AMZ1: variants seen among roughly 807,000 people sequenced by gnomAD.
AMZ1 encodes the protein archaelysin family metallopeptidase 1, also known as archaemetzincin-1.
AMZ1 carries 39 observed loss-of-function variants against 29.9 expected under a neutral mutation model. The observed-to-expected ratio is 1.30, with a 90% CI of 1.01 to 1.70. AMZ1 has a LOEUF of 1.70. Ranked by LOEUF, AMZ1 falls within the 40% of genes most tolerant of loss-of-function variation. The pLI, the probability that AMZ1 is intolerant of heterozygous loss-of-function variation, is 0.00. For synonymous variants in AMZ1, 458 were observed against 304.0 expected, an observed-to-expected ratio of 1.51 and a Z score of -5.27; for missense variants, 1,041 against 680.6, an observed-to-expected ratio of 1.53 and a Z score of -5.89.
At chr7:2,707,777 C>G (rs889915507) in intron 3 of AMZ1, among the ~76,000 whole-genome samples, 7 of 151,492 alleles carry the variant, frequency 4.6e-5, no homozygotes, top group Admixed American at 2.0e-4. Flanking sequence ...GCCCTCAGGC[C>G]TCACGTTCTC....
At chr7:2,709,310 G>T (rs146152915) in intron 5 of AMZ1, 66 bp downstream of exon 5, 29 of 1,414,314 alleles carry the variant, frequency 2.1e-5, no homozygotes, top group South Asian at 3.0e-5. Flanking sequence ...TTGGTGCCTC[G>T]GTCTGTTACA....
rs543765568 is a variant in AMZ1 at position 2,718,503 on chromosome 7, T to G, written c.*5625T>G. On this transcript the variant is annotated 3_prime_UTR_variant, in exon 7 of 7. Transcript: ENST00000683327. The stretch of plus-strand genomic sequence containing the variant: ...GGGACGTGTTTTGTTCAGCCCTGAC[T>G]CTTGGACGCTGGTGGCAGCCGCGGG... 6.6e-6 allele frequency among the ~76,000 whole-genome samples: 1 copy of G among 152,358 alleles called. No individual in the cohort carries two copies. The highest frequency in any genetic ancestry group is 1.5e-5 in the Non-Finnish European group (1 of 68,032).
At position 2,716,289 on chromosome 7, in the gene AMZ1, C is replaced by T. The variant is rs561624703; in HGVS notation, c.*3411C>T. 14 of 152,316 alleles carry T rather than the reference C, an allele frequency of 9.2e-5. No individual in the cohort carries two copies. The highest frequency in any genetic ancestry group is 3.1e-4 in the African/African-American group (13 of 41,538). 9.4% of individuals were successfully genotyped at this position (152,316 alleles called of 1,614,324 possible). The stretch of plus-strand genomic sequence containing the variant: ...CTCTTCCGAAATCTCATTCTTTTCC[C>T]TCTCTTCCTCCCCAAAAAGCCCAAA... On this transcript the variant is annotated 3_prime_UTR_variant, in exon 7 of 7. Coordinates refer to ENST00000683327, the MANE Select transcript of AMZ1 (RefSeq NM_001384743.1).
intron 2 of AMZ1, among the ~76,000 whole-genome samples, chr7:2,701,483 T>C (rs1788050818): frequency 6.6e-6 from 1 of 151,110 alleles, no homozygotes; most frequent in Non-Finnish European, 1.5e-5. Flanking sequence ...CTCAGAGCTC[T>C]GTGTCTGGCA....
chr7:2,764,041 G>A (rs1791698099), upstream of AMZ1, among the ~76,000 whole-genome samples: 1 of 152,146 alleles, frequency 6.6e-6, no homozygotes, highest in South Asian at 2.1e-4. Flanking sequence ...TAAGGCTGCT[G>A]TGCTGGTGTC....
chr7:2,700,739 C>G lies in AMZ1; in HGVS notation c.288C>G (p.Ile96Met). ...HRKPRLARKH[I>M]YLQPIDLSEE... ...AGCCCCGCCTGGCTCGGAAGCACAT[C>G]TACCTACAGCCGATAGGTACGGGAC... The change falls in exon 2 of 7, where the codon ATC becomes ATG. Residue 96 changes from isoleucine (I) to methionine (M), a missense_variant. Coordinates refer to ENST00000683327, the MANE Select transcript of AMZ1 (RefSeq NM_001384743.1). 6.2e-7 allele frequency: 1 copy of G among 1,612,778 alleles called. No homozygotes were observed. Among genetic ancestry groups the G allele is most frequent in the Non-Finnish European group, 8.5e-7 (1 of 1,179,984 alleles).
chr7:2,695,188 C>T (rs945791656), intron 1 of AMZ1, among the ~76,000 whole-genome samples: 2 of 152,186 alleles, frequency 1.3e-5, no homozygotes, highest in Admixed American at 6.5e-5. Context: ...TCCTGTCCAT[C>T]GTCTGTGCAT....
chr7:2,701,748 A>G (rs1463727887), intron 2 of AMZ1, among the ~76,000 whole-genome samples: 1 of 151,938 alleles, frequency 6.6e-6, no homozygotes, highest in African/African-American at 2.4e-5. Context: ...AACAGGGCTG[A>G]CCTCGCCTGG....
In AMZ1 at chr7:2,751,244, A is replaced by G. The variant is rs532500415; in HGVS notation, n.551-13468A>G. Among the ~76,000 whole-genome samples the G allele has an allele frequency of 2.6e-5, 4 of 152,108 alleles. No homozygotes were observed. In the South Asian group the frequency reaches 8.3e-4, roughly 32 times the overall value. ...TCAAAAAAAACCCCAAAGTTAGCCGAGTATGTTGGCACATGCTTGTAGTCC... is the reference window on the plus strand; with the variant it reads ...TCAAAAAAAACCCCAAAGTTAGCCGGGTATGTTGGCACATGCTTGTAGTCC... On this transcript the variant is annotated intron_variant and non_coding_transcript_variant, in intron 4 of 4. Transcript: ENST00000489665.
rs547984929 is a variant in AMZ1 at position 2,700,739 on chromosome 7, C to T, written c.288C>T (p.Ile96=). 5.6e-6 allele frequency: 9 copies of T among 1,612,778 alleles called. No individual in the cohort carries two copies. The highest frequency in any genetic ancestry group is 4.5e-5 in the East Asian group (2 of 44,884). The part of the protein sequence containing the change: ...HRKPRLARKH[I]YLQPIDLSEE... ...AGCCCCGCCTGGCTCGGAAGCACAT[C>T]TACCTACAGCCGATAGGTACGGGAC... Residue 96 remains isoleucine, a synonymous_variant, in exon 2 of 7, where the codon ATC becomes ATT. Coordinates refer to ENST00000683327, the MANE Select transcript of AMZ1 (RefSeq NM_001384743.1).
chr7:2,706,845 T>A (rs1166939099), intron 3 of AMZ1, among the ~76,000 whole-genome samples: 1 of 152,170 alleles, frequency 6.6e-6, no homozygotes, highest in Non-Finnish European at 1.5e-5. Flanking sequence ...ATCACCTCAT[T>A]AGCATCATTG....
chr7:2,764,411 C>T (rs1187939873), upstream of AMZ1, among the ~76,000 whole-genome samples: 1 of 152,128 alleles, frequency 6.6e-6, no homozygotes, highest in African/African-American at 2.4e-5. Context: ...CACAGAAGTA[C>T]ATCTGATATT....
chr7:2,760,823 G>A (rs1370144439), upstream of AMZ1, among the ~76,000 whole-genome samples: 1 of 152,214 alleles, frequency 6.6e-6, no homozygotes, highest in East Asian at 1.9e-4. Context: ...CAAGTCACCA[G>A]AGGTTAGCTT....
intron 4 of AMZ1, among the ~76,000 whole-genome samples, chr7:2,742,479 C>G (rs73285338): frequency 6.6e-6 from 1 of 152,184 alleles, no homozygotes; most frequent in African/African-American, 2.4e-5. Flanking sequence ...AGCCCTGCTC[C>G]TGTTTATCTC....
chr7:2,696,086 C>T (rs547142245), intron 1 of AMZ1, among the ~76,000 whole-genome samples: 1 of 151,816 alleles, frequency 6.6e-6, no homozygotes. Flanking sequence ...ACCCCCCTCG[C>T]CCCGCCCCCC....
Position 2,719,390 on chromosome 7 carries a change from C to T in AMZ1, c.*6512C>T, listed in dbSNP as rs1226640632. 1.3e-5 allele frequency among the ~76,000 whole-genome samples: 2 copies of T among 152,228 alleles called. No homozygotes were observed. Among genetic ancestry groups the T allele is most frequent in the South Asian group, 2.1e-4 (1 of 4,838 alleles). On this transcript the variant is annotated 3_prime_UTR_variant, in exon 7 of 7. Coordinates refer to ENST00000683327, the MANE Select transcript of AMZ1 (RefSeq NM_001384743.1). ...GCCCGCGCGCCTGGCAGAGCTCCCT[C>T]CTCTGCTCCAACAGCAGAGCCCAGA...
At chr7:2,700,122 G>A (rs146030110) in intron 1 of AMZ1, 112 bp from the exon 2 acceptor site, 7 of 338,116 alleles carry the variant, frequency 2.1e-5, no homozygotes, top group East Asian at 5.3e-5. Flanking sequence ...TGACACCCTC[G>A]TCCTCTGCAG....
At chr7:2,722,462 G>A (rs1219228461), downstream of AMZ1, among the ~76,000 whole-genome samples, 1 of 152,040 alleles carries the variant, frequency 6.6e-6, no homozygotes, top group African/African-American at 2.4e-5. Context: ...CAGCAGAGAC[G>A]GGGTTTCACC....
chr7:2,737,278 T>TG lies in AMZ1; in HGVS notation n.551-27434_551-27433insG, dbSNP rs1322016838. 1.1e-3 allele frequency among the ~76,000 whole-genome samples: 81 copies of TG among 71,600 alleles called. 1 individual carries two copies. Among genetic ancestry groups the TG allele is most frequent in the African/African-American group, 3.9e-3 (69 of 17,588 alleles). 47.0% of individuals were successfully genotyped at this position (71,600 alleles called of 152,430 possible). ...GCTATCTCACAGTTTTGTTTTGTTT[T>TG]TTTTTTTTTTGTTTTTTTTTTTTTT... On this transcript the variant is annotated intron_variant and non_coding_transcript_variant, in intron 4 of 4. Transcript: ENST00000489665.
Sources: gnomAD v4.1 joint callset for allele counts (sites outside exome capture counted in the v4.1 genomes callset) on GRCh38, gnomAD v4.1.1 for gene constraint, MANE v1.5 for transcripts, NCBI Gene and HGNC (gene_info 2026-07-23, HGNC 2026-07-21) for gene names.